Variants in NTN1 observed in about 807,000 individuals in gnomAD.
NTN1 encodes the protein netrin-1.
NTN1 carries 11 observed loss-of-function variants against 54.2 expected under a neutral mutation model. The observed-to-expected ratio is 0.20, with a 90% CI of 0.13 to 0.34. The LOEUF is 0.34. Ranked by LOEUF, NTN1 falls within the 10% of genes least tolerant of loss-of-function variation. The pLI, the probability that NTN1 is intolerant of heterozygous loss-of-function variation, is 1.00. For synonymous variants in NTN1, 371 were observed against 382.0 expected, an observed-to-expected ratio of 0.97 and a Z score of 0.33; for missense variants, 740 against 893.1, an observed-to-expected ratio of 0.83 and a Z score of 2.18.
intron 2 of NTN1, among the ~76,000 whole-genome samples, chr17:9,031,742 C>G (rs373989814): frequency 6.6e-6 from 1 of 151,930 alleles, no homozygotes; most frequent in African/African-American, 2.4e-5. Flanking sequence ...GTCGGGAGTT[C>G]GAGACCAGCC....
intron 5 of NTN1, among the ~76,000 whole-genome samples, chr17:9,220,950 C>A (rs540095300): frequency 1.3e-5 from 1 of 77,178 alleles, no homozygotes; most frequent in East Asian, 3.9e-4. Context: ...ATTCGTCAGG[C>A]CAGGGAGGGG....
At chr17:9,052,024 A>T (rs528283593) in intron 2 of NTN1, among the ~76,000 whole-genome samples, 2 of 151,178 alleles carry the variant, frequency 1.3e-5, no homozygotes, top group South Asian at 4.2e-4. Context: ...CTAGGCTGGT[A>T]TGCAATGATG....
intron 2 of NTN1, among the ~76,000 whole-genome samples, chr17:9,107,141 C>G (rs1488043208): frequency 6.6e-6 from 1 of 152,218 alleles, no homozygotes; most frequent in Admixed American, 6.5e-5. Context: ...ATTTGTGACA[C>G]TCTCCAACTC....
intron 2 of NTN1, among the ~76,000 whole-genome samples, chr17:9,150,476 G>C (rs2092324179): frequency 6.6e-6 from 1 of 152,242 alleles, no homozygotes; most frequent in Non-Finnish European, 1.5e-5. Flanking sequence ...AGGTGGCAGA[G>C]AGAGCACTCA....
At chr17:9,028,675 C>T (rs577533489) in intron 2 of NTN1, among the ~76,000 whole-genome samples, 2 of 152,220 alleles carry the variant, frequency 1.3e-5, no homozygotes, top group East Asian at 1.9e-4. Flanking sequence ...CAGCTGGTGT[C>T]GATATTTCCT....
intron 2 of NTN1, among the ~76,000 whole-genome samples, chr17:9,074,591 TC>T (rs2092043094): frequency 6.6e-6 from 1 of 152,202 alleles, no homozygotes; most frequent in Non-Finnish European, 1.5e-5. Flanking sequence ...GACTCTCCTG[TC>T]CACTTTAGGA....
intron 2 of NTN1, among the ~76,000 whole-genome samples, chr17:9,069,766 A>C (rs1039820518): frequency 1.3e-5 from 2 of 152,180 alleles, no homozygotes; most frequent in African/African-American, 4.8e-5. Context: ...CCTCCTTAGG[A>C]TAAGGCTAGT....
At chr17:9,202,514 T>G (rs1460249081) in intron 5 of NTN1, among the ~76,000 whole-genome samples, 1 of 152,308 alleles carries the variant, frequency 6.6e-6, no homozygotes, top group Non-Finnish European at 1.5e-5. Context: ...ACCCGATACC[T>G]TTATTCTCCA....
chr17:9,039,524 G>T (rs939585770), intron 2 of NTN1, among the ~76,000 whole-genome samples: 6 of 151,908 alleles, frequency 3.9e-5, no homozygotes, highest in Admixed American at 3.9e-4. Context: ...AGATATAATT[G>T]TTCAGTAAAT....
chr17:9,197,021 G>A (rs1240135972), intron 5 of NTN1, among the ~76,000 whole-genome samples: 9 of 150,314 alleles, frequency 6.0e-5, no homozygotes, highest in Non-Finnish European at 8.9e-5. Flanking sequence ...GTTGACAAAT[G>A]GTAAAATCAA....
intron 6 of NTN1, among the ~76,000 whole-genome samples, chr17:9,222,661 T>C (rs1905399406): frequency 1.3e-5 from 2 of 152,132 alleles, no homozygotes; most frequent in African/African-American, 2.4e-5. Flanking sequence ...GAGGCCTCAC[T>C]ATCCAGAATC....
At chr17:9,108,216 C>T (rs1430391654) in intron 2 of NTN1, among the ~76,000 whole-genome samples, 4 of 152,166 alleles carry the variant, frequency 2.6e-5, no homozygotes, top group Non-Finnish European at 4.4e-5. Context: ...CTTTCAGGAA[C>T]AAACTCCCCA....
chr17:9,224,664 C>T (rs1204685249), intron 6 of NTN1, among the ~76,000 whole-genome samples: 1 of 152,214 alleles, frequency 6.6e-6, no homozygotes, highest in Non-Finnish European at 1.5e-5. Context: ...GAGCTGCGGG[C>T]CAGCCCTGTG....
chr17:9,054,978 T>C (rs935962844), intron 2 of NTN1, among the ~76,000 whole-genome samples: 1 of 152,156 alleles, frequency 6.6e-6, no homozygotes, highest in Non-Finnish European at 1.5e-5. Context: ...TTATCTGCGT[T>C]ATGAAAAAGA....
intron 3 of NTN1, among the ~76,000 whole-genome samples, chr17:9,172,459 A>G (rs1597517110): frequency 6.6e-6 from 1 of 152,100 alleles, no homozygotes; most frequent in Non-Finnish European, 1.5e-5. Context: ...AGCCTGGGCG[A>G]CAGAGCGAGA....
intron 5 of NTN1, among the ~76,000 whole-genome samples, chr17:9,200,693 C>A (rs1405178649): frequency 6.6e-6 from 1 of 152,166 alleles, no homozygotes; most frequent in East Asian, 1.9e-4. Flanking sequence ...TCCATTTATT[C>A]ATTTTCTCTT....
intron 2 of NTN1, among the ~76,000 whole-genome samples, chr17:9,078,453 C>G (rs1597479718): frequency 1.3e-5 from 2 of 152,294 alleles, no homozygotes; most frequent in South Asian, 4.2e-4. Context: ...AGCATCCTGT[C>G]CCCCGGAATC....
At chr17:9,116,515 C>G (rs2092213264) in intron 2 of NTN1, among the ~76,000 whole-genome samples, 1 of 152,172 alleles carries the variant, frequency 6.6e-6, no homozygotes, top group Non-Finnish European at 1.5e-5. Context: ...CTTTCTCTCC[C>G]CACATCTCTC....
At chr17:9,158,257 A>C (rs1287487621) in intron 2 of NTN1, among the ~76,000 whole-genome samples, 1 of 152,194 alleles carries the variant, frequency 6.6e-6, no homozygotes, top group Non-Finnish European at 1.5e-5. Flanking sequence ...CGTAAGGTGC[A>C]TATGGAAGAG....
Sources: gnomAD v4.1 joint callset for allele counts (sites outside exome capture counted in the v4.1 genomes callset) on GRCh38, gnomAD v4.1.1 for gene constraint, MANE v1.5 for transcripts, NCBI Gene and HGNC (gene_info 2026-07-23, HGNC 2026-07-21) for gene names.